The following SUGCT variants were observed in gnomAD, a reference collection of about 807,000 sequenced individuals.
SUGCT encodes succinyl-CoA:glutarate-CoA transferase.
Under a neutral mutation model 55.0 loss-of-function variants are expected in SUGCT, and 41 were observed. The observed-to-expected ratio is 0.74, with a 90% CI of 0.58 to 0.97. The LOEUF is 0.97. Ranked by LOEUF, SUGCT falls within the 50% of genes least tolerant of loss-of-function variation. The probability of loss-of-function intolerance (pLI) is 0.00; values close to 1 mark genes in which losing one functional copy is unlikely to be tolerated. For synonymous variants in SUGCT, 187 were observed against 200.4 expected, an observed-to-expected ratio of 0.93 and a Z score of 0.56; for missense variants, 568 against 547.8, an observed-to-expected ratio of 1.04 and a Z score of -0.37.
chr7:40,912,774 A>G, the SUGCT span, among the ~76,000 whole-genome samples: 1 of 94,956 alleles, frequency 1.1e-5, no homozygotes, highest in Non-Finnish European at 1.9e-5. Context: ...ACGTTTCCAA[A>G]AAAAAAAAAA....
rs146689574 is a variant in SUGCT, at chr7:40,727,512, T to G, written c.1090-21922T>G. On this transcript the variant is annotated intron_variant, in intron 12 of 13. Transcript: ENST00000335693. The stretch of plus-strand genomic sequence containing the variant: ...TCATTTATTGACAAATGGAAGACTA[T>G]TCCACCTAAAACATTGTTGTGTACT... Among the ~76,000 whole-genome samples the G allele has an allele frequency of 4.3e-4, 66 of 152,342 alleles. No individual in the cohort carries two copies. The East Asian group carries it at 9.4e-3, about 22-fold the overall frequency.
chr7:40,195,282 C>T (rs534949872), intron 6 of SUGCT, among the ~76,000 whole-genome samples: 59 of 141,664 alleles, frequency 4.2e-4, no homozygotes, highest in African/African-American at 1.6e-4. Context: ...AGTGTAGTGG[C>T]GCGATCTCGG....
chr7:40,810,625 T>C (rs1791360766), intron 13 of SUGCT, among the ~76,000 whole-genome samples: 1 of 152,178 alleles, frequency 6.6e-6, no homozygotes, highest in Non-Finnish European at 1.5e-5. Flanking sequence ...GTATTTTACT[T>C]GCTCAAATGT....
At chr7:40,934,013 G>A in the SUGCT span, among the ~76,000 whole-genome samples, 1,109 of 152,246 alleles carry the variant, frequency 7.3e-3, 16 homozygotes, top group African/African-American at 0.024. Context: ...AGGAGAAGAG[G>A]CACTTTGCTT....
At chr7:40,656,042 T>C (rs1562928903) in intron 12 of SUGCT, among the ~76,000 whole-genome samples, 2 of 152,164 alleles carry the variant, frequency 1.3e-5, no homozygotes, top group African/African-American at 4.8e-5. Flanking sequence ...TAGTCATAAT[T>C]GTTTGTTGTT....
chr7:40,628,005 A>G (rs1310346876), intron 12 of SUGCT, among the ~76,000 whole-genome samples: 1 of 152,168 alleles, frequency 6.6e-6, no homozygotes, highest in Non-Finnish European at 1.5e-5. Flanking sequence ...AATGCTTACT[A>G]TATTGAGTGG....
At chr7:40,274,770 CA>C in intron 8 of SUGCT, 114 bp downstream of exon 8, 2 of 955,192 alleles carry the variant, frequency 2.1e-6, no homozygotes, top group East Asian at 5.1e-5. Flanking sequence ...ACCAACACAA[CA>C]ACACTGAAAA....
intron 1 of SUGCT, among the ~76,000 whole-genome samples, chr7:40,168,267 C>T (rs1344253123): frequency 2.0e-5 from 3 of 152,072 alleles, no homozygotes; most frequent in Admixed American, 2.0e-4. Context: ...GGGAGGTTGG[C>T]CAATGACCAC....
chr7:40,656,523 T>C (rs1801025111), intron 12 of SUGCT, among the ~76,000 whole-genome samples: 1 of 152,234 alleles, frequency 6.6e-6, no homozygotes, highest in Non-Finnish European at 1.5e-5. Flanking sequence ...AAACTCTTCC[T>C]TCTGTCCCAC....
chr7:40,436,578 G>T (rs984839050), intron 9 of SUGCT, among the ~76,000 whole-genome samples: 1 of 152,092 alleles, frequency 6.6e-6, no homozygotes, highest in African/African-American at 2.4e-5. Context: ...CTAAAGCTCT[G>T]TTCTATAAAT....
intron 3 of SUGCT, among the ~76,000 whole-genome samples, chr7:40,185,814 C>G (rs1724430409): frequency 6.6e-6 from 1 of 152,160 alleles, no homozygotes; most frequent in Non-Finnish European, 1.5e-5. Flanking sequence ...CGAGCCACCA[C>G]ATCTGGCCTA....
At chr7:40,753,237 T>C (rs1396746591) in intron 13 of SUGCT, among the ~76,000 whole-genome samples, 2 of 152,228 alleles carry the variant, frequency 1.3e-5, no homozygotes, top group Non-Finnish European at 2.9e-5. Context: ...TTACCTATGA[T>C]AGTTCTGCCT....
intron 12 of SUGCT, among the ~76,000 whole-genome samples, chr7:40,675,138 G>T (rs1197954927): frequency 6.7e-6 from 1 of 148,322 alleles, no homozygotes; most frequent in African/African-American, 2.5e-5. Context: ...TTGGCTCACT[G>T]CAACCTCCGC....
rs183747056 is a variant in SUGCT, at chr7:40,739,305, T to C, written c.1090-10129T>C. Among the ~76,000 whole-genome samples, 238 of 152,314 alleles carry C rather than the reference T, an allele frequency of 1.6e-3. 1 individual carries two copies. The highest frequency in any genetic ancestry group is 5.0e-3 in the African/African-American group (210 of 41,588). ...CCCAATCTGTTCTCTGCTTCTAGAA[T>C]GTTGTCATTTCAAGAATGCTATGTT... On this transcript the variant is annotated intron_variant, in intron 12 of 13. Transcript: ENST00000335693.
intron 5 of SUGCT, among the ~76,000 whole-genome samples, chr7:40,193,836 A>G (rs1334250350): frequency 1.3e-5 from 2 of 151,946 alleles, no homozygotes; most frequent in Non-Finnish European, 2.9e-5. Flanking sequence ...CCTGACCTCA[A>G]ATGATCTGCC....
chr7:40,240,258 C>T (rs1044632046), intron 7 of SUGCT, among the ~76,000 whole-genome samples: 66 of 151,982 alleles, frequency 4.3e-4, no homozygotes, highest in African/African-American at 1.4e-3. Context: ...CCAAGGTGGG[C>T]GGGTCACCTG....
At chr7:40,455,050 A>G (rs1475420983) in intron 10 of SUGCT, among the ~76,000 whole-genome samples, 1 of 152,144 alleles carries the variant, frequency 6.6e-6, no homozygotes, top group African/African-American at 2.4e-5. Context: ...TTTTCAGTGT[A>G]TGTAGATCTA....
At chr7:40,910,108 T>C in the SUGCT span, among the ~76,000 whole-genome samples, 3 of 151,746 alleles carry the variant, frequency 2.0e-5, no homozygotes, top group Non-Finnish European at 2.9e-5. Flanking sequence ...CTTTTTTTTT[T>C]CCTTCTTGGT....
chr7:40,994,484 A>G, the SUGCT span, among the ~76,000 whole-genome samples: 1 of 152,170 alleles, frequency 6.6e-6, no homozygotes, highest in Non-Finnish European at 1.5e-5. Context: ...CCATGCCCCA[A>G]GTGTAAAGAG....
Sources: allele counts gnomAD v4.1 joint callset (sites outside exome capture counted in the v4.1 genomes callset), GRCh38; gene constraint gnomAD v4.1.1; transcripts MANE v1.5; gene names NCBI Gene and HGNC (gene_info 2026-07-23, HGNC 2026-07-21).